Variants in PRTG observed in about 807,000 individuals in gnomAD.
PRTG encodes the protein immunoglobulin superfamily, DCC subclass, member 5.
A neutral mutation model predicts 122.5 loss-of-function variants in PRTG; 67 were observed. The observed-to-expected ratio is 0.55, with a 90% CI of 0.45 to 0.67. The LOEUF (loss-of-function observed/expected upper bound fraction) is 0.67. Among genes scored for constraint, PRTG ranks in the 30% least tolerant of loss-of-function variants. The pLI is 0.00. For missense variants in PRTG, 1,435 were observed against 1,415.4 expected, an observed-to-expected ratio of 1.01 and a Z score of -0.22; for synonymous variants, 554 against 501.1, an observed-to-expected ratio of 1.11 and a Z score of -1.41.
At chr15:55,670,358 GA>G (rs530468377) in intron 11 of PRTG, among the ~76,000 whole-genome samples, 265 of 152,178 alleles carry the variant, frequency 1.7e-3, no homozygotes, top group Non-Finnish European at 3.3e-3. Context: ...TTAACAGTGA[GA>G]AAATTGGAAG....
At chr15:55,628,420 CT>C (rs2059207711) in intron 16 of PRTG, among the ~76,000 whole-genome samples, 1 of 151,676 alleles carries the variant, frequency 6.6e-6, no homozygotes, top group Admixed American at 6.6e-5. Context: ...TCCAGAAAAG[CT>C]GTTTCTCTGT....
At chr15:55,694,154 A>C (rs1021310148) in intron 2 of PRTG, among the ~76,000 whole-genome samples, 2 of 152,226 alleles carry the variant, frequency 1.3e-5, no homozygotes, top group Non-Finnish European at 2.9e-5. Flanking sequence ...AAAAAGAGAT[A>C]GGTAACTAAG....
intron 2 of PRTG, among the ~76,000 whole-genome samples, chr15:55,708,148 TAAAAAAAAAAAAAAA>T (rs35216342): frequency 3.4e-4 from 24 of 70,034 alleles, no homozygotes; most frequent in Admixed American, 1.2e-3. Flanking sequence ...AGTAAGCTGG[TAAAAAAAAAAAAAAA>T]AAAAAAAAAA....
At chr15:55,703,443 C>T (rs540406354) in intron 2 of PRTG, among the ~76,000 whole-genome samples, 1 of 152,036 alleles carries the variant, frequency 6.6e-6, no homozygotes, top group Non-Finnish European at 1.5e-5. Flanking sequence ...GCTTGACAGG[C>T]AACTAGGGTG....
At chr15:55,621,472 A>G (rs983657773) in intron 18 of PRTG, among the ~76,000 whole-genome samples, 8 of 152,160 alleles carry the variant, frequency 5.3e-5, no homozygotes, top group African/African-American at 1.9e-4. Context: ...CCTGGCTAAC[A>G]CAGTGAAATC....
intron 11 of PRTG, among the ~76,000 whole-genome samples, chr15:55,666,788 C>CA (rs2059441549): frequency 6.6e-6 from 1 of 152,128 alleles, no homozygotes; most frequent in African/African-American, 2.4e-5. Context: ...ACTTATAATG[C>CA]AGTTTTCCCA....
At chr15:55,674,185 T>C (rs1482501532) in intron 9 of PRTG, among the ~76,000 whole-genome samples, 1 of 152,232 alleles carries the variant, frequency 6.6e-6, no homozygotes, top group Non-Finnish European at 1.5e-5. Context: ...TTAATAAAAC[T>C]GCATTTCAGG....
intron 11 of PRTG, among the ~76,000 whole-genome samples, chr15:55,658,093 T>A (rs550909563): frequency 1.2e-4 from 19 of 152,300 alleles, no homozygotes; most frequent in Non-Finnish European, 2.4e-4. Flanking sequence ...ATTTCTCTTT[T>A]AAAACATTCC....
intron 1 of PRTG, 96 bp downstream of exon 1, chr15:55,742,742 G>A (rs1217809812): frequency 1.4e-6 from 2 of 1,444,620 alleles, no homozygotes; most frequent in South Asian, 1.2e-5. Flanking sequence ...ACCCCGCCGC[G>A]CGCTCCCCAC....
At chr15:55,647,923 G>C (rs115695375) in intron 11 of PRTG, among the ~76,000 whole-genome samples, 2,378 of 152,284 alleles carry the variant, frequency 0.016, 78 homozygotes, top group African/African-American at 0.055. Context: ...AGTGTGTGTT[G>C]GCTTGCGTAT....
chr15:55,660,989 A>C (rs945676849), intron 11 of PRTG, among the ~76,000 whole-genome samples: 1 of 152,198 alleles, frequency 6.6e-6, no homozygotes, highest in Non-Finnish European at 1.5e-5. Context: ...ATGGGGAACT[A>C]ATTTTGTTCT....
chr15:55,725,224 T>C (rs4377101), intron 2 of PRTG, among the ~76,000 whole-genome samples: 20,809 of 152,124 alleles, frequency 0.14, 1,836 homozygotes, highest in East Asian at 0.35. Context: ...AACTAGATTG[T>C]TACAAATTGA....
At chr15:55,622,591 C>T (rs1471506204) in intron 18 of PRTG, among the ~76,000 whole-genome samples, 1 of 151,656 alleles carries the variant, frequency 6.6e-6, no homozygotes, top group Non-Finnish European at 1.5e-5. Flanking sequence ...CGGGGTTTCA[C>T]CATGTTAGCT....
At chr15:55,632,823 C>T (rs2059235290) in intron 15 of PRTG, among the ~76,000 whole-genome samples, 1 of 152,196 alleles carries the variant, frequency 6.6e-6, no homozygotes, top group Non-Finnish European at 1.5e-5. Context: ...GTGATACAAG[C>T]TCCAGTGGAG....
At chr15:55,732,730 G>A (rs1449802264) in intron 2 of PRTG, among the ~76,000 whole-genome samples, 2 of 151,992 alleles carry the variant, frequency 1.3e-5, no homozygotes, top group East Asian at 3.9e-4. Context: ...CCAACCTCAG[G>A]TGATCCGCCG....
chr15:55,620,642 T>G, intron 19 of PRTG, 21 bp downstream of exon 19: 1 of 1,565,310 alleles, frequency 6.4e-7, no homozygotes, highest in Non-Finnish European at 8.6e-7. Flanking sequence ...GCCAAAAATT[T>G]TTCTCATTTA....
chr15:55,697,682 G>A (rs2059639243), intron 2 of PRTG, among the ~76,000 whole-genome samples: 2 of 152,046 alleles, frequency 1.3e-5, no homozygotes, highest in Non-Finnish European at 2.9e-5. Context: ...TAGACACAGC[G>A]TTTCACCATG....
In PRTG at chr15:55,673,659, CAGG is replaced by C; in HGVS notation, c.1561_1563del (p.Pro521del). On this transcript the variant is annotated inframe_deletion, in exon 10 of 20. Coordinates refer to ENST00000389286, the MANE Select transcript of PRTG (RefSeq NM_173814.6). ...GGACTTCGACTTGTCAAACTAATTT[CAGG>C]AGGTCTCAGGGGAACTAGTCATAGA... 6.2e-7 allele frequency: 1 copy of C among 1,613,688 alleles called. No homozygotes were observed. The highest frequency in any genetic ancestry group is 8.5e-7 in the Non-Finnish European group (1 of 1,179,606).
intron 2 of PRTG, among the ~76,000 whole-genome samples, chr15:55,722,656 A>G (rs1278889631): frequency 1.3e-5 from 2 of 152,246 alleles, no homozygotes; most frequent in Admixed American, 1.3e-4. Context: ...GAGATTCTTC[A>G]AGATACCTTA....
Sources: gnomAD v4.1 joint callset for allele counts (sites outside exome capture counted in the v4.1 genomes callset) on GRCh38, gnomAD v4.1.1 for gene constraint, MANE v1.5 for transcripts, NCBI Gene and HGNC (gene_info 2026-07-23, HGNC 2026-07-21) for gene names.